The following TENM3 variants were observed in gnomAD, a reference collection of about 807,000 sequenced individuals.
The protein encoded by TENM3 is teneurin transmembrane protein 3, also known as teneurin-3.
TENM3 carries 63 observed loss-of-function variants against 255.1 expected under a neutral mutation model. The ratio of observed to expected loss-of-function variants is 0.25; its 90% CI spans 0.20 to 0.30. The LOEUF is 0.30. Ranked by LOEUF, TENM3 falls within the 10% of genes least tolerant of loss-of-function variation. The pLI, the probability that TENM3 is intolerant of heterozygous loss-of-function variation, is 1.00. For missense variants in TENM3, 2,929 were observed against 3,461.1 expected, an observed-to-expected ratio of 0.85 and a Z score of 3.86; for synonymous variants, 1,306 against 1,322.3, an observed-to-expected ratio of 0.99 and a Z score of 0.27.
intron 3 of TENM3, among the ~76,000 whole-genome samples, chr4:182,556,852 C>A (rs1742639167): frequency 6.6e-6 from 1 of 152,174 alleles, no homozygotes; most frequent in Middle Eastern, 3.2e-3. Flanking sequence ...CTGACTCAGG[C>A]TGAACTAGGT....
intron 3 of TENM3, among the ~76,000 whole-genome samples, chr4:182,375,492 C>T (rs569182050): frequency 2.6e-4 from 40 of 152,058 alleles, no homozygotes; most frequent in Non-Finnish European, 4.9e-4. Context: ...ATTCTCTGAC[C>T]TTTTGTAAAA....
chr4:182,183,315 T>G lies in TENM3; in HGVS notation c.-76+38561T>G, dbSNP rs569073327. Among the ~76,000 whole-genome samples the G allele has an allele frequency of 3.9e-5, 6 of 152,312 alleles. 1 individual carries two copies. The highest frequency in any genetic ancestry group is 7.2e-5 in the African/African-American group (3 of 41,578). On this transcript the variant is annotated intron_variant, in intron 1 of 2. Coordinates refer to the TENM3 transcript ENST00000512480. ...TGAGAAACACTGAAGGCTACTTTAA[T>G]CAAGCCAGAACCCACCTAGAAGATG...
At chr4:181,455,246 G>A in the TENM3 span, among the ~76,000 whole-genome samples, 1 of 152,066 alleles carries the variant, frequency 6.6e-6, no homozygotes, top group Non-Finnish European at 1.5e-5. Context: ...AAAGAGTGAG[G>A]AGAGTGAGGT....
At chr4:182,700,961 T>C (rs1442416264) in intron 12 of TENM3, among the ~76,000 whole-genome samples, 1 of 152,114 alleles carries the variant, frequency 6.6e-6, no homozygotes, top group Admixed American at 6.6e-5. Flanking sequence ...GGTAAGACCA[T>C]CTGCTTGTAG....
At chr4:182,218,844 T>C (rs984605067) in intron 1 of TENM3, among the ~76,000 whole-genome samples, 5 of 152,252 alleles carry the variant, frequency 3.3e-5, no homozygotes, top group Admixed American at 6.5e-5. Flanking sequence ...TGTGTGACAG[T>C]ATACTGATAT....
At chr4:182,610,020 A>C (rs184475793) in intron 4 of TENM3, among the ~76,000 whole-genome samples, 1 of 152,326 alleles carries the variant, frequency 6.6e-6, no homozygotes, top group East Asian at 1.9e-4. Flanking sequence ...TTTTTGTGAC[A>C]ATTAGGTAGC....
At chr4:182,055,889 A>G in the TENM3 span, among the ~76,000 whole-genome samples, 224 of 152,270 alleles carry the variant, frequency 1.5e-3, 2 homozygotes, top group Admixed American at 9.2e-3. Flanking sequence ...AGGAAGGGAA[A>G]CAATAATTAT....
the TENM3 span, among the ~76,000 whole-genome samples, chr4:181,860,322 A>T: frequency 1.3e-5 from 2 of 152,164 alleles, no homozygotes; most frequent in Non-Finnish European, 2.9e-5. Flanking sequence ...CCGCCCTCCC[A>T]GTTGGCTTCT....
chr4:182,407,119 A>G (rs1769635974), intron 3 of TENM3, among the ~76,000 whole-genome samples: 1 of 152,170 alleles, frequency 6.6e-6, no homozygotes, highest in Non-Finnish European at 1.5e-5. Context: ...AGTGGAAATC[A>G]GTTTTATTAC....
At chr4:181,763,028 C>CAAAACAG in the TENM3 span, among the ~76,000 whole-genome samples, 1 of 151,904 alleles carries the variant, frequency 6.6e-6, no homozygotes, top group African/African-American at 2.4e-5. Context: ...ACAAATATGA[C>CAAAACAG]AAATATATAA....
chr4:181,866,733 C>G, the TENM3 span, among the ~76,000 whole-genome samples: 1 of 152,206 alleles, frequency 6.6e-6, no homozygotes, highest in African/African-American at 2.4e-5. Flanking sequence ...CCGTATTAAC[C>G]CTGCCTGAAT....
chr4:181,698,186 C>T, the TENM3 span, among the ~76,000 whole-genome samples: 2 of 148,972 alleles, frequency 1.3e-5, no homozygotes, highest in Admixed American at 6.8e-5. Flanking sequence ...TGCACTCCAG[C>T]CTGGGTGACA....
chr4:181,854,910 G>T, the TENM3 span, among the ~76,000 whole-genome samples: 2 of 152,126 alleles, frequency 1.3e-5, no homozygotes, highest in East Asian at 1.9e-4. Context: ...TAGCATAAGG[G>T]TTTGATTGGA....
At chr4:182,186,488 G>T (rs528464035) in intron 1 of TENM3, among the ~76,000 whole-genome samples, 6 of 151,628 alleles carry the variant, frequency 4.0e-5, no homozygotes, top group African/African-American at 1.4e-4. Flanking sequence ...AATAATAGAA[G>T]ATAATTTGCT....
At chr4:182,051,947 A>T in the TENM3 span, among the ~76,000 whole-genome samples, 14,006 of 152,090 alleles carry the variant, frequency 0.092, 711 homozygotes, top group East Asian at 0.15. Context: ...GTGTTTTCAA[A>T]TGAGGACAGG....
the TENM3 span, among the ~76,000 whole-genome samples, chr4:181,888,515 T>TATATAC: frequency 7.0e-5 from 1 of 14,332 alleles, no homozygotes; most frequent in South Asian, 4.0e-3. Context: ...TATATATATA[T>TATATAC]GTATATATAT....
the TENM3 span, among the ~76,000 whole-genome samples, chr4:181,762,031 C>T: frequency 3.9e-5 from 6 of 152,186 alleles, no homozygotes; most frequent in Non-Finnish European, 5.9e-5. Context: ...TACGTGCTCA[C>T]AAGCAATTCT....
At chr4:181,698,238 T>C in the TENM3 span, among the ~76,000 whole-genome samples, 1 of 148,864 alleles carries the variant, frequency 6.7e-6, no homozygotes, top group South Asian at 2.1e-4. Context: ...AAAGATAAAA[T>C]GTATTACGTC....
the TENM3 span, among the ~76,000 whole-genome samples, chr4:181,688,813 A>G: frequency 1.3e-5 from 2 of 152,228 alleles, no homozygotes; most frequent in Admixed American, 6.5e-5. Context: ...AGATGATACC[A>G]GACAACAAAG....
Sources: gnomAD v4.1 joint callset for allele counts (sites outside exome capture counted in the v4.1 genomes callset) on GRCh38, gnomAD v4.1.1 for gene constraint, MANE v1.5 for transcripts, NCBI Gene and HGNC (gene_info 2026-07-23, HGNC 2026-07-21) for gene names.